RIPOR2: variants seen among roughly 807,000 people sequenced by gnomAD.
RIPOR2 encodes the protein rho family-interacting cell polarization regulator 2.
RIPOR2 carries 39 observed loss-of-function variants against 114.5 expected under a neutral mutation model. That is an observed-to-expected ratio of 0.34 (90% confidence interval 0.26 to 0.44). RIPOR2 has a LOEUF of 0.44. RIPOR2 is among the 20% of genes least tolerant of loss of function. The probability of loss-of-function intolerance (pLI) is 1.00; values close to 1 mark genes in which losing one functional copy is unlikely to be tolerated. For synonymous variants in RIPOR2, 445 were observed against 484.4 expected, an observed-to-expected ratio of 0.92 and a Z score of 1.07; for missense variants, 1,007 against 1,255.1, an observed-to-expected ratio of 0.80 and a Z score of 2.99.
In RIPOR2 at chr6:25,001,845, G is replaced by A. The variant is rs541578338; in HGVS notation, c.76+40006C>T. 2.9e-3 allele frequency among the ~76,000 whole-genome samples: 443 copies of A among 151,084 alleles called. 1 individual carries two copies. Among genetic ancestry groups the A allele is most frequent in the African/African-American group, 7.3e-3 (301 of 41,264 alleles). The stretch of plus-strand genomic sequence containing the variant: ...CTCCCAAGTAGCTGGGACTACAGGC[G>A]CGTGCCACCATGCCTGGCTATTTTT... On this transcript the variant is annotated intron_variant, in intron 1 of 13. Coordinates refer to the RIPOR2 transcript ENST00000510784.
At chr6:24,863,144 G>A (rs2113840041) in intron 7 of RIPOR2, among the ~76,000 whole-genome samples, 1 of 152,028 alleles carries the variant, frequency 6.6e-6, no homozygotes, top group African/African-American at 2.4e-5. Context: ...GTAGAGACGG[G>A]GTTTTGCTAT....
At chr6:24,841,449 A>T (rs1581552718) in intron 13 of RIPOR2, among the ~76,000 whole-genome samples, 1 of 152,080 alleles carries the variant, frequency 6.6e-6, no homozygotes, top group African/African-American at 2.4e-5. Flanking sequence ...TGTCATGAGC[A>T]TTTGAGGACC....
At chr6:24,910,919 G>T in intron 1 of RIPOR2, 3 of 985,384 alleles carry the variant, frequency 3.0e-6, no homozygotes, top group Non-Finnish European at 3.6e-6. Flanking sequence ...CCGCACCTCC[G>T]GCTTTGCAGA....
At chr6:24,951,711 T>G (rs996039412) in intron 1 of RIPOR2, among the ~76,000 whole-genome samples, 2 of 151,244 alleles carry the variant, frequency 1.3e-5, no homozygotes, top group African/African-American at 4.9e-5. Context: ...TGGGGCGGAG[T>G]TTTTAAAGGT....
At chr6:25,005,732 T>TACAC (rs1408924237) in intron 1 of RIPOR2, among the ~76,000 whole-genome samples, 3 of 111,886 alleles carry the variant, frequency 2.7e-5, no homozygotes, top group African/African-American at 9.9e-5. Context: ...TATATATATA[T>TACAC]ATATATATAC....
rs1765347232 is a variant in RIPOR2, at chr6:24,872,928, C to T, written c.376G>A (p.Asp126Asn). ...EYLEVHQTEL[D>N]KLTAQLKDMK... ...TCTTTTAACTGAGCTGTCAACTTGT[C>T]CAGCTCCGTCTGGTGAACCTCCAGA... The change falls in exon 4 of 22, where the codon GAC becomes AAC. Residue 126 changes from aspartate (D) to asparagine (N), a missense_variant. Physicochemically the swap from Asp to Asn is conservative, Grantham distance 23. Coordinates refer to ENST00000643898, the MANE Select transcript of RIPOR2 (RefSeq NM_001286445.3). 6 of 1,612,356 alleles carry T rather than the reference C, an allele frequency of 3.7e-6. No homozygotes were observed. Among genetic ancestry groups the T allele is most frequent in the Non-Finnish European group, 5.1e-6 (6 of 1,178,664 alleles).
chr6:25,035,159 A>C (rs1777179127), intron 1 of RIPOR2, among the ~76,000 whole-genome samples: 2 of 152,238 alleles, frequency 1.3e-5, no homozygotes, highest in Non-Finnish European at 2.9e-5. Flanking sequence ...GGAGAAACCC[A>C]GGCTTTGTGG....
At chr6:24,952,669 T>C (rs1285659094) in intron 1 of RIPOR2, among the ~76,000 whole-genome samples, 1 of 152,238 alleles carries the variant, frequency 6.6e-6, no homozygotes, top group Non-Finnish European at 1.5e-5. Context: ...TTTATTTAAT[T>C]GCACACTTAT....
chr6:24,850,210 C>T (rs1762739462), intron 10 of RIPOR2, among the ~76,000 whole-genome samples: 1 of 151,730 alleles, frequency 6.6e-6, no homozygotes, highest in African/African-American at 2.4e-5. Flanking sequence ...GATCCTCCCA[C>T]CTCAGACTCC....
chr6:24,856,218 T>A (rs1483817049), intron 8 of RIPOR2, among the ~76,000 whole-genome samples: 2 of 152,142 alleles, frequency 1.3e-5, no homozygotes, highest in Non-Finnish European at 2.9e-5. Context: ...CGTGCCTTCC[T>A]GCCCGTGGAG....
chr6:24,890,846 G>A (rs538399437), intron 1 of RIPOR2, among the ~76,000 whole-genome samples: 1 of 15,780 alleles, frequency 6.3e-5, no homozygotes, highest in East Asian at 1.8e-3. Flanking sequence ...TGTAGAAATA[G>A]GGTCTTGCTA....
chr6:24,886,583 G>A (rs1407288359), intron 1 of RIPOR2, among the ~76,000 whole-genome samples: 1 of 152,162 alleles, frequency 6.6e-6, no homozygotes, highest in Non-Finnish European at 1.5e-5. Context: ...TTGTACACTG[G>A]CCCTTACTTT....
intron 13 of RIPOR2, chr6:24,840,625 C>T: frequency 2.0e-6 from 3 of 1,528,062 alleles, no homozygotes; most frequent in Admixed American, 2.0e-5. Context: ...AAGGGCCTTG[C>T]AGGGATCTGT....
At chr6:24,967,012 G>A (rs10946737) in intron 1 of RIPOR2, among the ~76,000 whole-genome samples, 41,281 of 151,964 alleles carry the variant, frequency 0.27, 7,029 homozygotes, top group Non-Finnish European at 0.37. Context: ...GAGGCAGTGC[G>A]GACACGGACA....
At chr6:24,919,035 C>A (rs1473926109) in intron 1 of RIPOR2, among the ~76,000 whole-genome samples, 1 of 152,182 alleles carries the variant, frequency 6.6e-6, no homozygotes, top group Non-Finnish European at 1.5e-5. Flanking sequence ...CCCCATGGGC[C>A]CAGCACAGTT....
chr6:25,005,687 C>A (rs1775518523), intron 1 of RIPOR2, among the ~76,000 whole-genome samples: 2 of 74,370 alleles, frequency 2.7e-5, no homozygotes, highest in African/African-American at 3.8e-5. Flanking sequence ...AATAAAATCC[C>A]TATGGAGATA....
chr6:24,901,328 T>C (rs1005028408), intron 1 of RIPOR2, among the ~76,000 whole-genome samples: 1 of 152,184 alleles, frequency 6.6e-6, no homozygotes, highest in African/African-American at 2.4e-5. Context: ...GGTTATTTTC[T>C]TCCATCAGTG....
upstream of RIPOR2, chr6:25,042,162 CTG>C: frequency 2.3e-6 from 1 of 432,922 alleles, no homozygotes; most frequent in Non-Finnish European, 4.1e-6. Context: ...AAGGCAGCTG[CTG>C]TGCTGGGCTG....
In RIPOR2 at chr6:24,860,910, T is replaced by C. The variant is rs35985881; in HGVS notation, c.715+63A>G. Reference sequence around the variant, plus strand: ...ATAAAAATAGCATGGGCTCTCAAACTTCAAGGAGCTCTGCACTCTGCAGAG... The same window carrying C: ...ATAAAAATAGCATGGGCTCTCAAACCTCAAGGAGCTCTGCACTCTGCAGAG... On this transcript the variant is annotated intron_variant, in intron 8 of 21. Transcript: ENST00000643898. The C allele has an allele frequency of 0.012, 13,103 of 1,075,800 alleles. 123 individuals carry two copies. Among genetic ancestry groups the C allele is most frequent in the South Asian group, 0.025 (1,728 of 70,258 alleles). The allele number at this position is 1,075,800 out of a possible 1,614,324, so 66.6% of individuals were successfully genotyped here.
Sources: allele counts gnomAD v4.1 joint callset (sites outside exome capture counted in the v4.1 genomes callset), GRCh38; gene constraint gnomAD v4.1.1; transcripts MANE v1.5; gene names NCBI Gene and HGNC (gene_info 2026-07-23, HGNC 2026-07-21).